The following GPLD1 variants were observed in gnomAD, a reference collection of about 807,000 sequenced individuals.
The protein encoded by GPLD1 is glycosylphosphatidylinositol specific phospholipase D1.
GPLD1 carries 84 observed loss-of-function variants against 112.6 expected under a neutral mutation model. That is an observed-to-expected ratio of 0.75 (90% CI 0.63 to 0.89). The LOEUF is 0.89. GPLD1 is among the 40% of genes least tolerant of loss of function. GPLD1 has a pLI of 0.00. For missense variants in GPLD1, 1,044 were observed against 1,051.5 expected (o/e 0.99, Z 0.10); for synonymous variants, 386 against 403.8 (o/e 0.96, Z 0.53).
Position 24,436,724 on chromosome 6 carries a change from A to G in GPLD1, c.2210T>C (p.Met737Thr). 1 of 1,613,132 alleles carries G rather than the reference A, an allele frequency of 6.2e-7. No individual in the cohort carries two copies. Among genetic ancestry groups the G allele is most frequent in the African/African-American group, 1.3e-5 (1 of 75,030 alleles). ...LDDDGLDEII[M>T]AAPLRIADVT... ...ATCTGCTATCCTCAGGGGGGCTGCC[A>G]TGATGATTTCATCTGAAAACAATAA... The change falls in exon 22 of 25, where the codon ATG becomes ACG. Residue 737 changes from methionine (M) to threonine (T), a missense_variant. Met to Thr is a moderately conservative substitution (Grantham distance 81, BLOSUM62 -1). Coordinates refer to ENST00000230036, the MANE Select transcript of GPLD1 (RefSeq NM_001503.4).
At chr6:24,447,378 C>T (rs539796864) in intron 17 of GPLD1, among the ~76,000 whole-genome samples, 9 of 151,988 alleles carry the variant, frequency 5.9e-5, no homozygotes, top group Non-Finnish European at 1.0e-4. Flanking sequence ...TGGTGGCATG[C>T]GCCTGTAGTC....
At chr6:24,460,433 A>C (rs1188942823) in intron 11 of GPLD1, 34 bp from the exon 12 acceptor site, 4 of 1,607,402 alleles carry the variant, frequency 2.5e-6, no homozygotes, top group Non-Finnish European at 3.4e-6. Flanking sequence ...ACTGGTTACG[A>C]CTGAGAAAAC....
At position 24,433,226 on chromosome 6, in the gene GPLD1, C is replaced by T; in HGVS notation, c.2397G>A (p.Arg799=). The part of the protein sequence containing the change: ...YVLISPEASS[R]FGSSLITVRS... ...TCACGGTGATGAGGGAGCTCCCAAA[C>T]CTTGAGCTGGCCTGTAAAACATGCC... Residue 799 remains arginine (R), a synonymous_variant, in exon 24 of 25, where the codon AGG becomes AGA. Transcript: ENST00000230036. The T allele has an allele frequency of 1.9e-6, 3 of 1,613,316 alleles. No homozygotes were observed. The highest frequency in any genetic ancestry group is 2.5e-6 in the Non-Finnish European group (3 of 1,179,242).
At chr6:24,476,130 G>T in intron 4 of GPLD1, 51 bp downstream of exon 4, 3 of 982,846 alleles carry the variant, frequency 3.1e-6, no homozygotes, top group Non-Finnish European at 4.8e-6. Flanking sequence ...CAAACACAGT[G>T]CATGGCAGGT....
At chr6:24,449,661 T>C in intron 15 of GPLD1, 128 bp downstream of exon 15, 3 of 661,058 alleles carry the variant, frequency 4.5e-6, no homozygotes, top group Non-Finnish European at 5.3e-6. Flanking sequence ...GATTATCTGC[T>C]CACAAATGCT....
chr6:24,465,715 G>A (rs555704825), intron 10 of GPLD1, among the ~76,000 whole-genome samples: 14 of 151,832 alleles, frequency 9.2e-5, no homozygotes, highest in Admixed American at 6.6e-4. Flanking sequence ...TCTATATTTC[G>A]GCTGAGTTTC....
intron 13 of GPLD1, among the ~76,000 whole-genome samples, chr6:24,454,645 C>T (rs920751627): frequency 2.0e-5 from 3 of 152,184 alleles, no homozygotes; most frequent in Non-Finnish European, 4.4e-5. Flanking sequence ...TATGTTTTTA[C>T]CACAGCCACA....
At chr6:24,437,360 T>A in intron 20 of GPLD1, 71 bp from the exon 21 acceptor site, 2 of 1,380,706 alleles carry the variant, frequency 1.4e-6, no homozygotes, top group Non-Finnish European at 2.0e-6. Flanking sequence ...TAGCACCCCA[T>A]CCTCAAGTGA....
chr6:24,438,341 C>T (rs2127320497), intron 20 of GPLD1, among the ~76,000 whole-genome samples: 2 of 152,352 alleles, frequency 1.3e-5, no homozygotes, highest in South Asian at 4.1e-4. Context: ...ATTTGGAACA[C>T]AGCTTTGATT....
At chr6:24,431,839 T>C (rs930099352) in intron 24 of GPLD1, among the ~76,000 whole-genome samples, 1 of 151,974 alleles carries the variant, frequency 6.6e-6, no homozygotes, top group African/African-American at 2.4e-5. Flanking sequence ...CCAGCCAAGG[T>C]TAAACTTTTT....
At chr6:24,471,155 A>C (rs1320739660) in intron 7 of GPLD1, among the ~76,000 whole-genome samples, 1 of 152,222 alleles carries the variant, frequency 6.6e-6, no homozygotes, top group Non-Finnish European at 1.5e-5. Context: ...CCAAAAGGAC[A>C]TATCAGAAAG....
In GPLD1 at chr6:24,473,818, A is replaced by G. The variant is rs1187263879; in HGVS notation, c.442-151T>C. 5 of 533,682 alleles carry G rather than the reference A, an allele frequency of 9.4e-6. No homozygotes were observed. The South Asian group carries it at 1.4e-4, about 15-fold the overall frequency. 33.1% of individuals were successfully genotyped at this position (533,682 alleles called of 1,614,324 possible). On this transcript the variant is annotated intron_variant, in intron 5 of 24. Transcript: ENST00000230036. ...TCAATTTTCACACTAACATTTTATT[A>G]GTAAAAAAATAATAATAATAAAAAG...
At chr6:24,474,124 C>T (rs1763923124) in intron 5 of GPLD1, among the ~76,000 whole-genome samples, 2 of 149,162 alleles carry the variant, frequency 1.3e-5, no homozygotes, top group Non-Finnish European at 2.9e-5. Flanking sequence ...GAAACTCCAT[C>T]TCAAAAACAA....
Position 24,479,971 on chromosome 6 carries a change from GA to G in GPLD1, c.154-13del. The G allele has an allele frequency of 6.4e-7, 1 of 1,559,654 alleles. No homozygotes were observed. Among genetic ancestry groups the G allele is most frequent in the Non-Finnish European group, 8.8e-7 (1 of 1,130,558 alleles). On this transcript the variant is annotated splice_polypyrimidine_tract_variant and intron_variant, in intron 2 of 24. Transcript: ENST00000230036. ...TGTTCTAGTAACAGCTGCAGAGCAAGAAAATACAGAGATTAAGGGGCAGGAG... is the reference window on the plus strand; with the variant it reads ...TGTTCTAGTAACAGCTGCAGAGCAAGAAATACAGAGATTAAGGGGCAGGAG...
chr6:24,468,190 GCCA>G (rs1581770110), intron 7 of GPLD1, among the ~76,000 whole-genome samples: 1 of 152,268 alleles, frequency 6.6e-6, no homozygotes, highest in East Asian at 1.9e-4. Flanking sequence ...ACAGGCGTGA[GCCA>G]CCACACCTGG....
intron 11 of GPLD1, 116 bp from the exon 12 acceptor site, chr6:24,460,515 G>T (rs548081769): frequency 1.9e-6 from 2 of 1,045,092 alleles, no homozygotes; most frequent in Non-Finnish European, 2.8e-6. Context: ...AAATTTTAAC[G>T]TCAGAAGGCT....
chr6:24,437,707 A>G (rs1209579812), intron 20 of GPLD1, among the ~76,000 whole-genome samples: 1 of 152,034 alleles, frequency 6.6e-6, no homozygotes, highest in East Asian at 1.9e-4. Flanking sequence ...CCCACACTTC[A>G]CCAAAATGAA....
intron 3 of GPLD1, among the ~76,000 whole-genome samples, chr6:24,479,183 C>T (rs1442084489): frequency 6.6e-6 from 1 of 152,098 alleles, no homozygotes; most frequent in Non-Finnish European, 1.5e-5. Context: ...ATAACCTCCC[C>T]TCCAACTAGA....
At chr6:24,487,824 C>G (rs192800651) in intron 1 of GPLD1, among the ~76,000 whole-genome samples, 1 of 152,102 alleles carries the variant, frequency 6.6e-6, no homozygotes, top group East Asian at 1.9e-4. Context: ...GAAAGAACGC[C>G]GGACCAGCTG....
Sources: allele counts gnomAD v4.1 joint callset (sites outside exome capture counted in the v4.1 genomes callset), GRCh38; gene constraint gnomAD v4.1.1; transcripts MANE v1.5; gene names NCBI Gene and HGNC (gene_info 2026-07-23, HGNC 2026-07-21).